Variants in DOCK4 observed in about 807,000 individuals in gnomAD.
The protein encoded by DOCK4 is dedicator of cytokinesis protein 4.
A neutral mutation model predicts 268.1 loss-of-function variants in DOCK4; 97 were observed. That is an observed-to-expected ratio of 0.36 (90% CI 0.31 to 0.43). DOCK4 has a LOEUF of 0.43. Among genes scored for constraint, DOCK4 ranks in the 20% least tolerant of loss-of-function variants. DOCK4 has a pLI of 1.00. For missense variants in DOCK4, 2,145 were observed against 2,455.7 expected (o/e 0.87, Z 2.67); for synonymous variants, 954 against 887.2 (o/e 1.08, Z -1.34).
chr7:111,979,309 G>A (rs1309601385), intron 7 of DOCK4, among the ~76,000 whole-genome samples: 1 of 152,126 alleles, frequency 6.6e-6, no homozygotes, highest in Non-Finnish European at 1.5e-5. Flanking sequence ...GAATCTCTTC[G>A]TAAAAGTGGA....
intron 52 of DOCK4, among the ~76,000 whole-genome samples, chr7:111,729,647 A>T (rs1794930046): frequency 1.3e-5 from 2 of 152,072 alleles, no homozygotes; most frequent in African/African-American, 4.8e-5. Context: ...AAAACCTAAA[A>T]ACGCCATAAA....
At chr7:112,205,665 GTGT>G (rs1371793463) in intron 1 of DOCK4, among the ~76,000 whole-genome samples, 1 of 152,134 alleles carries the variant, frequency 6.6e-6, no homozygotes, top group African/African-American at 2.4e-5. Context: ...CTCTGCCCGA[GTGT>G]TGTTGTCTCC....
At chr7:111,829,425 G>A (rs1459829181) in intron 26 of DOCK4, among the ~76,000 whole-genome samples, 1 of 152,178 alleles carries the variant, frequency 6.6e-6, no homozygotes, top group African/African-American at 2.4e-5. Flanking sequence ...GGGGAGGCAG[G>A]GAGAGGATGA....
At chr7:111,859,771 T>A (rs904893147) in intron 23 of DOCK4, among the ~76,000 whole-genome samples, 1 of 151,580 alleles carries the variant, frequency 6.6e-6, no homozygotes, top group East Asian at 1.9e-4. Context: ...GTTTCACCGT[T>A]TTAGCCGGGA....
chr7:112,138,124 AGTTCTCCTG>A lies in DOCK4; in HGVS notation c.37+67969_37+67977del, dbSNP rs1814538053. On this transcript the variant is annotated intron_variant, in intron 1 of 52. Coordinates refer to ENST00000428084, the MANE Select transcript of DOCK4 (RefSeq NM_001363540.2). Reference sequence around the variant, plus strand: ...ACACCCTCCTAAAAAATGTTTTGTCAGTTCTCCTGGCTCCCTTCAAACCTCCTATTCTGT... The same window carrying A: ...ACACCCTCCTAAAAAATGTTTTGTCAGCTCCCTTCAAACCTCCTATTCTGT... 2.0e-5 allele frequency among the ~76,000 whole-genome samples: 3 copies of A among 152,342 alleles called. No homozygotes were observed. In the South Asian group the frequency reaches 6.2e-4, roughly 32 times the overall value.
chr7:111,983,862 G>GCGCGCGCACACACACA, intron 7 of DOCK4, among the ~76,000 whole-genome samples: 3 of 138,562 alleles, frequency 2.2e-5, no homozygotes, highest in African/African-American at 8.5e-5. Flanking sequence ...GCGCGCGCGC[G>GCGCGCGCACACACACA]CACACACACA....
At chr7:111,959,005 T>A (rs1796654308) in intron 8 of DOCK4, among the ~76,000 whole-genome samples, 1 of 152,090 alleles carries the variant, frequency 6.6e-6, no homozygotes, top group South Asian at 2.1e-4. Flanking sequence ...AAACCGCAAA[T>A]CTGATTAACT....
At chr7:111,844,310 T>G (rs1316356741) in intron 25 of DOCK4, among the ~76,000 whole-genome samples, 2 of 152,112 alleles carry the variant, frequency 1.3e-5, no homozygotes, top group South Asian at 2.1e-4. Flanking sequence ...ATTCCAACCT[T>G]CTCATTTCCT....
intron 35 of DOCK4, among the ~76,000 whole-genome samples, chr7:111,780,914 A>G (rs1257803444): frequency 1.3e-5 from 2 of 152,048 alleles, no homozygotes; most frequent in Non-Finnish European, 2.9e-5. Flanking sequence ...AAGTGTTAAA[A>G]TTTTCTAGAA....
intron 16 of DOCK4, among the ~76,000 whole-genome samples, chr7:111,888,394 G>A (rs1356162130): frequency 6.6e-6 from 1 of 151,736 alleles, no homozygotes; most frequent in East Asian, 2.0e-4. Flanking sequence ...TAGTGGAGGA[G>A]AAAAAGACTG....
At chr7:111,927,961 C>G (rs186078576) in intron 12 of DOCK4, among the ~76,000 whole-genome samples, 4 of 152,164 alleles carry the variant, frequency 2.6e-5, no homozygotes, top group African/African-American at 4.8e-5. Context: ...AATAAACAGG[C>G]CTTCCTAAGT....
At chr7:112,061,826 G>A (rs961389296) in intron 1 of DOCK4, among the ~76,000 whole-genome samples, 9 of 151,696 alleles carry the variant, frequency 5.9e-5, no homozygotes, top group Admixed American at 5.9e-4. Context: ...TCCTTTGCTG[G>A]AGGAATTCCC....
intron 11 of DOCK4, among the ~76,000 whole-genome samples, chr7:111,936,481 T>TATGA (rs201902114): frequency 0.01 from 1,468 of 145,622 alleles, 17 homozygotes; most frequent in African/African-American, 0.03. Flanking sequence ...CTGTCAGTGG[T>TATGA]ATGAATGGAT....
At chr7:111,791,242 A>G (rs890882283) in intron 30 of DOCK4, among the ~76,000 whole-genome samples, 3 of 138,520 alleles carry the variant, frequency 2.2e-5, no homozygotes, top group Admixed American at 6.9e-5. Flanking sequence ...CAAGTGCAAT[A>G]CAGTATGTAT....
At chr7:111,894,182 G>A (rs924295554) in intron 16 of DOCK4, among the ~76,000 whole-genome samples, 10 of 148,612 alleles carry the variant, frequency 6.7e-5, no homozygotes, top group East Asian at 5.9e-4. Context: ...AGATTGTGCC[G>A]CTGCACTCCA....
chr7:112,046,014 T>G (rs1231710300), intron 1 of DOCK4, among the ~76,000 whole-genome samples: 2 of 152,216 alleles, frequency 1.3e-5, no homozygotes, highest in African/African-American at 4.8e-5. Context: ...AGTCATGGCA[T>G]ATGGAACTGC....
chr7:112,156,418 A>C (rs888485289), intron 1 of DOCK4, among the ~76,000 whole-genome samples: 3 of 152,224 alleles, frequency 2.0e-5, no homozygotes, highest in African/African-American at 7.2e-5. Context: ...AATTTGGTAA[A>C]AACTGTATGG....
intron 12 of DOCK4, among the ~76,000 whole-genome samples, chr7:111,920,206 G>A (rs913322689): frequency 1.3e-5 from 2 of 152,072 alleles, no homozygotes; most frequent in African/African-American, 4.8e-5. Flanking sequence ...AGATGAAGAC[G>A]TTCTAGAGAG....
intron 26 of DOCK4, among the ~76,000 whole-genome samples, chr7:111,827,386 CA>C (rs1802485378): frequency 6.6e-6 from 1 of 152,130 alleles, no homozygotes; most frequent in African/African-American, 2.4e-5. Context: ...ATTCTTTCAA[CA>C]AAGATTTAAT....
Sources: gnomAD v4.1 joint callset for allele counts (sites outside exome capture counted in the v4.1 genomes callset) on GRCh38, gnomAD v4.1.1 for gene constraint, MANE v1.5 for transcripts, NCBI Gene and HGNC (gene_info 2026-07-23, HGNC 2026-07-21) for gene names.